The following PTPRD variants were observed in gnomAD, a reference collection of about 807,000 sequenced individuals.
PTPRD encodes receptor-type tyrosine-protein phosphatase delta.
PTPRD carries 34 observed loss-of-function variants against 214.5 expected under a neutral mutation model. The ratio of observed to expected loss-of-function variants is 0.16; its 90% CI spans 0.12 to 0.21. The LOEUF is 0.21. PTPRD is among the 10% of genes least tolerant of loss of function. The pLI, the probability that PTPRD is intolerant of heterozygous loss-of-function variation, is 1.00. For missense variants in PTPRD, 2,545 were observed against 2,398.7 expected, an observed-to-expected ratio of 1.06 and a Z score of -1.27; for synonymous variants, 1,128 against 845.7, an observed-to-expected ratio of 1.33 and a Z score of -5.79.
At chr9:9,278,068 G>A (rs1457318059) in intron 9 of PTPRD, among the ~76,000 whole-genome samples, 1 of 151,322 alleles carries the variant, frequency 6.6e-6, no homozygotes. Flanking sequence ...TGCAATATAT[G>A]CTATTAAAGG....
chr9:10,167,882 T>A (rs770397175), intron 3 of PTPRD, among the ~76,000 whole-genome samples: 1 of 152,182 alleles, frequency 6.6e-6, no homozygotes, highest in Non-Finnish European at 1.5e-5. Context: ...TAAGAGTTCA[T>A]ACTGTGTGAT....
intron 3 of PTPRD, among the ~76,000 whole-genome samples, chr9:10,075,317 T>A (rs1208765190): frequency 6.6e-6 from 1 of 152,040 alleles, no homozygotes; most frequent in African/African-American, 2.4e-5. Context: ...TTTTCCACAT[T>A]TTATTTTTAT....
chr9:9,078,432 T>G (rs2154418245), intron 10 of PTPRD, among the ~76,000 whole-genome samples: 1 of 152,186 alleles, frequency 6.6e-6, no homozygotes, highest in South Asian at 2.1e-4. Context: ...TTTCATATGT[T>G]TGTTATGAGG....
chr9:8,665,933 T>C (rs527797149), intron 12 of PTPRD, among the ~76,000 whole-genome samples: 12 of 152,192 alleles, frequency 7.9e-5, no homozygotes, highest in Non-Finnish European at 1.8e-4. Flanking sequence ...AATGCATGGG[T>C]ATGTTTATTA....
intron 11 of PTPRD, among the ~76,000 whole-genome samples, chr9:8,976,853 G>A (rs188183267): frequency 3.9e-5 from 6 of 152,162 alleles, no homozygotes; most frequent in South Asian, 2.1e-4. Flanking sequence ...TGCCTGTTAA[G>A]GTGAAGGAAA....
At chr9:10,156,346 A>T (rs1049756738) in intron 3 of PTPRD, among the ~76,000 whole-genome samples, 11 of 152,046 alleles carry the variant, frequency 7.2e-5, no homozygotes, top group Admixed American at 2.0e-4. Context: ...CTTTTCTCTC[A>T]TGAGTTTCAA....
chr9:10,121,079 G>A (rs952521256), intron 3 of PTPRD, among the ~76,000 whole-genome samples: 1 of 151,878 alleles, frequency 6.6e-6, no homozygotes, highest in East Asian at 1.9e-4. Flanking sequence ...AGAGGTCAAG[G>A]GTGTTTTTAA....
chr9:10,579,933 C>G (rs2071095007), intron 2 of PTPRD, among the ~76,000 whole-genome samples: 1 of 151,956 alleles, frequency 6.6e-6, no homozygotes, highest in Non-Finnish European at 1.5e-5. Flanking sequence ...TATTCATGCC[C>G]TTTGTCAATG....
intron 8 of PTPRD, among the ~76,000 whole-genome samples, chr9:9,542,541 GA>G (rs1184666049): frequency 6.6e-6 from 1 of 151,356 alleles, no homozygotes; most frequent in South Asian, 2.1e-4. Context: ...CTACAGACTG[GA>G]AAAAAATATC....
At chr9:8,777,872 T>A (rs567534316) in intron 11 of PTPRD, among the ~76,000 whole-genome samples, 1 of 152,324 alleles carries the variant, frequency 6.6e-6, no homozygotes, top group Admixed American at 6.5e-5. Context: ...TAGTTTCACA[T>A]GAAATCCTTC....
intron 3 of PTPRD, among the ~76,000 whole-genome samples, chr9:10,181,761 A>C (rs999864754): frequency 6.6e-6 from 1 of 151,414 alleles, no homozygotes; most frequent in African/African-American, 2.4e-5. Flanking sequence ...AAATTTTCTC[A>C]TTACATGGAG....
intron 44 of PTPRD, among the ~76,000 whole-genome samples, chr9:8,322,865 T>C (rs557666174): frequency 6.6e-6 from 1 of 152,294 alleles, no homozygotes; most frequent in East Asian, 1.9e-4. Flanking sequence ...ACTCTCTTGT[T>C]AGGGGCTCAT....
intron 2 of PTPRD, among the ~76,000 whole-genome samples, chr9:10,469,780 T>A (rs2099018272): frequency 6.6e-6 from 1 of 151,910 alleles, no homozygotes; most frequent in Non-Finnish European, 1.5e-5. Flanking sequence ...AATGAATGGA[T>A]AAAGAAAATG....
At chr9:10,492,988 C>A (rs535145142) in intron 2 of PTPRD, among the ~76,000 whole-genome samples, 20 of 152,160 alleles carry the variant, frequency 1.3e-4, no homozygotes, top group Admixed American at 1.1e-3. Context: ...TAAGAGAACT[C>A]CCATTCACAA....
intron 12 of PTPRD, among the ~76,000 whole-genome samples, chr9:8,654,406 C>A (rs1353585505): frequency 6.6e-6 from 1 of 152,060 alleles, no homozygotes; most frequent in African/African-American, 2.4e-5. Context: ...CAACGCTCAC[C>A]AAGGATCATG....
chr9:8,854,474 G>A (rs1301418904), intron 11 of PTPRD, among the ~76,000 whole-genome samples: 1 of 152,146 alleles, frequency 6.6e-6, no homozygotes. Context: ...CCAATGGTTT[G>A]ATAAATCAAG....
chr9:8,599,288 G>C (rs1487463594), intron 14 of PTPRD, among the ~76,000 whole-genome samples: 8 of 152,098 alleles, frequency 5.3e-5, no homozygotes, highest in Admixed American at 5.2e-4. Context: ...TCTCAGGTAT[G>C]TCTTTATTAG....
chr9:8,837,867 T>C (rs1229572268), intron 11 of PTPRD, among the ~76,000 whole-genome samples: 2 of 152,082 alleles, frequency 1.3e-5, no homozygotes, highest in Non-Finnish European at 2.9e-5. Context: ...TTTGTTTGCC[T>C]GTTTTATAAG....
At chr9:9,721,176 T>A (rs1038918090) in intron 7 of PTPRD, among the ~76,000 whole-genome samples, 1 of 45,730 alleles carries the variant, frequency 2.2e-5, no homozygotes, top group East Asian at 2.3e-4. Flanking sequence ...ATAAACATCT[T>A]TTAAAAAGAG....
Sources: gnomAD v4.1 joint callset for allele counts (sites outside exome capture counted in the v4.1 genomes callset) on GRCh38, gnomAD v4.1.1 for gene constraint, MANE v1.5 for transcripts, NCBI Gene and HGNC (gene_info 2026-07-23, HGNC 2026-07-21) for gene names.